MAST4: variants seen among roughly 807,000 people sequenced by gnomAD.
The protein encoded by MAST4 is microtubule associated serine/threonine kinase family member 4, also known as microtubule-associated serine/threonine-protein kinase 4.
MAST4 carries 89 observed loss-of-function variants against 162.7 expected under a neutral mutation model. The observed-to-expected ratio is 0.55, with a 90% CI of 0.46 to 0.65. The LOEUF is 0.65. Ranked by LOEUF, MAST4 falls within the 30% of genes least tolerant of loss-of-function variation. MAST4 has a pLI of 0.00. For missense variants in MAST4, 3,153 were observed against 3,374.0 expected (o/e 0.93, Z 1.62); for synonymous variants, 1,479 against 1,361.1 (o/e 1.09, Z -1.91).
At chr5:67,090,973 C>T (rs1013288559) in intron 6 of MAST4, among the ~76,000 whole-genome samples, 2 of 151,894 alleles carry the variant, frequency 1.3e-5, no homozygotes, top group African/African-American at 2.4e-5. Context: ...GGAAAAACAC[C>T]GAGAAAACAA....
intron 1 of MAST4, among the ~76,000 whole-genome samples, chr5:66,612,482 C>T (rs1743353543): frequency 6.6e-6 from 1 of 152,170 alleles, no homozygotes; most frequent in Non-Finnish European, 1.5e-5. Context: ...GTCAACTCTA[C>T]AGGTATTGAA....
chr5:67,028,115 C>T (rs1404646228), intron 4 of MAST4, among the ~76,000 whole-genome samples: 1 of 151,790 alleles, frequency 6.6e-6, no homozygotes, highest in African/African-American at 2.4e-5. Context: ...TGTCTTACTC[C>T]TTCTTAGCCA....
chr5:67,075,926 GC>G (rs1761588306), intron 5 of MAST4, among the ~76,000 whole-genome samples: 1 of 152,028 alleles, frequency 6.6e-6, no homozygotes, highest in Non-Finnish European at 1.5e-5. Context: ...GTAAAACAGA[GC>G]CAGGAATTCC....
At chr5:67,013,190 C>T (rs1752894876) in intron 4 of MAST4, among the ~76,000 whole-genome samples, 1 of 152,144 alleles carries the variant, frequency 6.6e-6, no homozygotes, top group African/African-American at 2.4e-5. Context: ...ATCTGGTAGG[C>T]CAACCACCAT....
At chr5:66,848,889 G>A (rs1220028834) in intron 3 of MAST4, among the ~76,000 whole-genome samples, 1 of 152,156 alleles carries the variant, frequency 6.6e-6, no homozygotes, top group Admixed American at 6.5e-5. Context: ...GATGTCTGGT[G>A]TGCTCATATC....
At chr5:66,674,331 G>A (rs1430994705) in intron 1 of MAST4, among the ~76,000 whole-genome samples, 1 of 152,202 alleles carries the variant, frequency 6.6e-6, no homozygotes, top group Non-Finnish European at 1.5e-5. Flanking sequence ...GCTGTTTGCT[G>A]TAAGAGGGTT....
At chr5:67,002,918 A>G (rs141400524) in intron 4 of MAST4, among the ~76,000 whole-genome samples, 349 of 150,626 alleles carry the variant, frequency 2.3e-3, no homozygotes, top group Non-Finnish European at 4.0e-3. Flanking sequence ...ACATTTGGCA[A>G]TGTCCTCAGA....
At chr5:66,953,725 T>G (rs1236359730) in intron 4 of MAST4, among the ~76,000 whole-genome samples, 1 of 152,176 alleles carries the variant, frequency 6.6e-6, no homozygotes, top group East Asian at 1.9e-4. Flanking sequence ...TAGTCAGTGA[T>G]GCCGAGGGTC....
intron 1 of MAST4, among the ~76,000 whole-genome samples, chr5:66,695,153 T>A (rs1368662195): frequency 6.6e-6 from 1 of 152,224 alleles, no homozygotes; most frequent in Non-Finnish European, 1.5e-5. Context: ...TAGTTTTGCA[T>A]TTTACATTTA....
At chr5:66,976,663 A>G (rs1258678514) in intron 4 of MAST4, among the ~76,000 whole-genome samples, 1 of 152,236 alleles carries the variant, frequency 6.6e-6, no homozygotes, top group South Asian at 2.1e-4. Flanking sequence ...GGGATTCCGT[A>G]GGCTCTAGCA....
chr5:67,033,428 C>A (rs911255679), intron 4 of MAST4, among the ~76,000 whole-genome samples: 2 of 147,408 alleles, frequency 1.4e-5, no homozygotes, highest in Non-Finnish European at 3.0e-5. Context: ...TCAAGCTGAG[C>A]TAGTTTGGCA....
At chr5:66,890,904 A>G (rs1762323613) in intron 3 of MAST4, among the ~76,000 whole-genome samples, 1 of 152,190 alleles carries the variant, frequency 6.6e-6, no homozygotes, top group Admixed American at 6.5e-5. Context: ...AAGATAATGT[A>G]TGTCACTGTG....
intron 4 of MAST4, among the ~76,000 whole-genome samples, chr5:66,926,566 C>CTA (rs200290492): frequency 7.4e-4 from 111 of 150,816 alleles, no homozygotes; most frequent in East Asian, 7.0e-3. Flanking sequence ...CTTTCTCTCT[C>CTA]TATATATATA....
chr5:66,668,394 A>G (rs1747401590), intron 1 of MAST4, among the ~76,000 whole-genome samples: 2 of 152,150 alleles, frequency 1.3e-5, no homozygotes, highest in Admixed American at 1.3e-4. Flanking sequence ...CTTAATCTCC[A>G]GGCTTTTTAC....
At chr5:66,616,280 A>T (rs1416703567) in intron 1 of MAST4, among the ~76,000 whole-genome samples, 1 of 151,890 alleles carries the variant, frequency 6.6e-6, no homozygotes, top group African/African-American at 2.4e-5. Context: ...ACCACCCCCT[A>T]CCTCCCAAGC....
At chr5:67,050,062 A>G (rs1414468479) in intron 4 of MAST4, among the ~76,000 whole-genome samples, 1 of 152,110 alleles carries the variant, frequency 6.6e-6, no homozygotes, top group Non-Finnish European at 1.5e-5. Context: ...AAAAATACAT[A>G]CACCTCCTTT....
chr5:66,751,022 C>T (rs1302050459), intron 1 of MAST4, among the ~76,000 whole-genome samples: 1 of 152,088 alleles, frequency 6.6e-6, no homozygotes, highest in Non-Finnish European at 1.5e-5. Context: ...GGAGGCACCC[C>T]CCAGCAGGGG....
At chr5:66,864,274 A>G (rs1426991354) in intron 3 of MAST4, among the ~76,000 whole-genome samples, 1 of 152,214 alleles carries the variant, frequency 6.6e-6, no homozygotes, top group Non-Finnish European at 1.5e-5. Context: ...TTCCTGAATG[A>G]AGCATGGGCA....
chr5:66,721,628 G>A (rs894638907), intron 1 of MAST4, among the ~76,000 whole-genome samples: 1 of 149,654 alleles, frequency 6.7e-6, no homozygotes, highest in African/African-American at 2.5e-5. Context: ...TAGTATAATG[G>A]CCACCACCTA....
Sources: allele counts gnomAD v4.1 joint callset (sites outside exome capture counted in the v4.1 genomes callset), GRCh38; gene constraint gnomAD v4.1.1; transcripts MANE v1.5; gene names NCBI Gene and HGNC (gene_info 2026-07-23, HGNC 2026-07-21).